The following VASP variants were observed in gnomAD, a reference collection of about 807,000 sequenced individuals.
VASP encodes the protein vasodilator-stimulated phosphoprotein.
Under a neutral mutation model 54.4 loss-of-function variants are expected in VASP, and 27 were observed. The observed-to-expected ratio is 0.50, with a 90% CI of 0.37 to 0.68. VASP has a LOEUF of 0.68. Among genes scored for constraint, VASP ranks in the 30% least tolerant of loss-of-function variants. VASP has a pLI of 0.00. For missense variants in VASP, 488 were observed against 528.3 expected (o/e 0.92, Z 0.75); for synonymous variants, 233 against 209.8 (o/e 1.11, Z -0.96).
At chr19:45,524,720 C>A in intron 11 of VASP, 60 bp downstream of exon 11, 2 of 1,506,284 alleles carry the variant, frequency 1.3e-6, no homozygotes, top group Non-Finnish European at 1.8e-6. Context: ...GCCCCTGCCA[C>A]TGGCATGCCG....
Position 45,518,104 on chromosome 19 carries a change from G to A in VASP, c.343+10G>A, listed in dbSNP as rs1254649771. ...CTAGAGGCGTTGGAAGGTCAGAAATGGCGGCGGGCAAAGGGGACCAGTGAA... is the reference window on the plus strand; with the variant it reads ...CTAGAGGCGTTGGAAGGTCAGAAATAGCGGCGGGCAAAGGGGACCAGTGAA... On this transcript the variant is annotated intron_variant, in intron 3 of 12. Transcript: ENST00000245932. The A allele has an allele frequency of 9.9e-6, 16 of 1,611,112 alleles. No individual in the cohort carries two copies. Among genetic ancestry groups the A allele is most frequent in the Non-Finnish European group, 1.3e-5 (15 of 1,178,570 alleles).
At chr19:45,517,481 GTCTCTCCTGATCTGATTT>G (rs1207119354) in intron 1 of VASP, among the ~76,000 whole-genome samples, 164 bp from the exon 2 acceptor site, 1 of 151,606 alleles carries the variant, frequency 6.6e-6, no homozygotes, top group Admixed American at 6.6e-5. Context: ...GTGTTTGCCT[GTCTCTCCTGATCTGATTT>G]TCTCTCCTGA....
chr19:45,524,221 G>T, intron 10 of VASP, 79 bp downstream of exon 10: 1 of 1,527,866 alleles, frequency 6.5e-7, no homozygotes, highest in Non-Finnish European at 9.0e-7. Flanking sequence ...GACCAGCCTG[G>T]GCAACATGGC....
At chr19:45,515,219 C>G (rs114340668) in intron 1 of VASP, among the ~76,000 whole-genome samples, 1 of 152,084 alleles carries the variant, frequency 6.6e-6, no homozygotes, top group African/African-American at 2.4e-5. Flanking sequence ...AGAGGCTTTG[C>G]GGGGGGTGTC....
intron 3 of VASP, among the ~76,000 whole-genome samples, chr19:45,520,940 G>A (rs554942855): frequency 4.6e-5 from 7 of 152,276 alleles, no homozygotes; most frequent in African/African-American, 1.4e-4. Flanking sequence ...CTCCAGCCTG[G>A]GTGACAGAGT....
At chr19:45,520,602 G>A (rs1181816244) in intron 3 of VASP, among the ~76,000 whole-genome samples, 1 of 152,232 alleles carries the variant, frequency 6.6e-6, no homozygotes, top group African/African-American at 2.4e-5. Flanking sequence ...CCTGGAGGTA[G>A]GTGAGGAAGA....
Position 45,518,186 on chromosome 19 carries a change from C to T in VASP, c.343+92C>T, listed in dbSNP as rs1020448539. 35 of 1,481,502 alleles carry T rather than the reference C, an allele frequency of 2.4e-5. No homozygotes were observed. In the South Asian group the frequency reaches 3.8e-4, roughly 16 times the overall value. 91.8% of individuals were successfully genotyped at this position (1,481,502 alleles called of 1,614,324 possible). A position where few individuals can be genotyped will look rare whatever the true frequency, so the allele number is the denominator to read the frequency against. The stretch of plus-strand genomic sequence containing the variant: ...CCCTGCTGGGACTTGGTTTACTCGT[C>T]GGTAAAATAGAGCGAATTCATTGTT... On this transcript the variant is annotated intron_variant, in intron 3 of 12. Transcript: ENST00000245932.
intron 3 of VASP, among the ~76,000 whole-genome samples, chr19:45,519,740 C>CGTGTGAG (rs1477169699): frequency 0.029 from 4,368 of 150,284 alleles, 227 homozygotes; most frequent in African/African-American, 0.1. Context: ...GGACTACAGG[C>CGTGTGAG]ACCCGCCACC....
intron 3 of VASP, among the ~76,000 whole-genome samples, chr19:45,519,619 C>T (rs1248571312): frequency 8.7e-6 from 1 of 115,106 alleles, no homozygotes; most frequent in African/African-American, 3.3e-5. Context: ...TTTTTGGAGA[C>T]GGAGTCTCGC....
At position 45,518,055 on chromosome 19, in the gene VASP, T is replaced by C; in HGVS notation, c.304T>C (p.Phe102Leu). ...CGGCAGCAAGGAGGATGCGGCCCAG[T>C]TTGCCGCCGGCATGGCCAGTGCCCT... Reference protein sequence around the residue: ...NFGSKEDAAQFAAGMASALEA... With the variant: ...NFGSKEDAAQLAAGMASALEA... Residue 102 changes from phenylalanine (F) to leucine (L), a missense_variant, in exon 3 of 13, where the codon TTT (phenylalanine) becomes CTT (leucine). Physicochemically the swap from Phe to Leu is conservative, Grantham distance 22. Transcript: ENST00000245932. The C allele has an allele frequency of 6.2e-7, 1 of 1,613,730 alleles. No individual in the cohort carries two copies. The highest frequency in any genetic ancestry group is 8.5e-7 in the Non-Finnish European group (1 of 1,179,982).
intron 1 of VASP, among the ~76,000 whole-genome samples, chr19:45,516,825 C>G (rs989076004): frequency 6.6e-6 from 1 of 151,620 alleles, no homozygotes; most frequent in African/African-American, 2.4e-5. Flanking sequence ...ATGGTGAAAC[C>G]TCGTCTCTAC....
At chr19:45,517,863 G>A (rs750023880) in intron 2 of VASP, 29 bp downstream of exon 2, 1 of 1,609,086 alleles carries the variant, frequency 6.2e-7, no homozygotes, top group Non-Finnish European at 8.5e-7. Flanking sequence ...CCCCTCTGTG[G>A]GCTGAACCCC....
chr19:45,525,727 A>AT (rs1275195187), intron 11 of VASP: 1 of 478,554 alleles, frequency 2.1e-6, no homozygotes, highest in African/African-American at 2.0e-5. Context: ...AAGTTACCTG[A>AT]TTGTGGCGGC....
At chr19:45,519,600 T>C (rs1968782278) in intron 3 of VASP, among the ~76,000 whole-genome samples, 1 of 149,324 alleles carries the variant, frequency 6.7e-6, no homozygotes, top group South Asian at 2.1e-4. Context: ...CAGTTGCTTT[T>C]TTTTTTTTTT....
At chr19:45,508,913 A>G (rs1489730124) in intron 1 of VASP, among the ~76,000 whole-genome samples, 1 of 152,138 alleles carries the variant, frequency 6.6e-6, no homozygotes, top group Non-Finnish European at 1.5e-5. Context: ...GGGGGGCCCA[A>G]CCATCCCCCC....
rs1968904017 is a variant in VASP at position 45,524,002 on chromosome 19, G to GA, written c.911-95_911-94insA. ...CTGGGGATTGTAGTCTCCTGAGATG[G>GA]GGCTTTGATCAGGGGCTGATGAGGT... On this transcript the variant is annotated intron_variant, in intron 9 of 12. Transcript: ENST00000245932. 19 of 1,609,736 alleles carry GA rather than the reference G, an allele frequency of 1.2e-5. No individual in the cohort carries two copies. The South Asian group carries it at 1.9e-4, about 16-fold the overall frequency.
intron 1 of VASP, among the ~76,000 whole-genome samples, chr19:45,513,585 A>G (rs1968645159): frequency 6.7e-6 from 1 of 149,488 alleles, no homozygotes; most frequent in South Asian, 2.1e-4. Flanking sequence ...CCCCTGCCTC[A>G]GCCTCCTGGG....
chr19:45,508,623 G>T (rs1012985241), intron 1 of VASP, among the ~76,000 whole-genome samples: 3 of 152,136 alleles, frequency 2.0e-5, no homozygotes, highest in Non-Finnish European at 4.4e-5. Flanking sequence ...TGGGGGGCGG[G>T]CACCAAGCGC....
chr19:45,523,509 T>A, intron 7 of VASP, 135 bp from the exon 8 acceptor site: 3 of 1,017,706 alleles, frequency 2.9e-6, no homozygotes, highest in Non-Finnish European at 4.3e-6. Flanking sequence ...ATCTCTTGAA[T>A]TTCTAAAACT....
Sources: gnomAD v4.1 joint callset for allele counts (sites outside exome capture counted in the v4.1 genomes callset) on GRCh38, gnomAD v4.1.1 for gene constraint, MANE v1.5 for transcripts, NCBI Gene and HGNC (gene_info 2026-07-23, HGNC 2026-07-21) for gene names.